Variants in CABCOCO1 observed in about 807,000 individuals in gnomAD.
CABCOCO1 encodes the protein ciliary associated calcium binding coiled-coil 1, also known as ciliary-associated calcium-binding coiled-coil protein 1.
CABCOCO1 carries 28 observed loss-of-function variants against 35.7 expected under a neutral mutation model. The observed-to-expected ratio is 0.78, with a 90% CI of 0.58 to 1.07. CABCOCO1 has a LOEUF of 1.07. Among genes scored for constraint, CABCOCO1 ranks in the 50% least tolerant of loss-of-function variants. The pLI, the probability that CABCOCO1 is intolerant of heterozygous loss-of-function variation, is 0.00. For missense variants in CABCOCO1, 326 were observed against 309.2 expected, an observed-to-expected ratio of 1.05 and a Z score of -0.41; for synonymous variants, 95 against 100.1, an observed-to-expected ratio of 0.95 and a Z score of 0.30.
Position 61,734,038 on chromosome 10 carries a change from T to C in CABCOCO1, c.553-26021T>C, listed in dbSNP as rs144426824. On this transcript the variant is annotated intron_variant, in intron 5 of 7. Transcript: ENST00000648843. ...ACAGTGATTCTTTTTCAAACTGTTA[T>C]ACTTCCCCCCGCTTACCCCCAGTTG... is the stretch of plus-strand genomic sequence containing the variant. 3.0e-4 allele frequency among the ~76,000 whole-genome samples: 46 copies of C among 152,232 alleles called. No homozygotes were observed. The East Asian group carries it at 8.5e-3, about 28-fold the overall frequency.
intron 5 of CABCOCO1, among the ~76,000 whole-genome samples, chr10:61,752,753 G>T (rs1047345320): frequency 3.3e-5 from 5 of 152,102 alleles, no homozygotes; most frequent in African/African-American, 1.2e-4. Flanking sequence ...CTTCTCTAAA[G>T]ATTTCATAGC....
intron 5 of CABCOCO1, among the ~76,000 whole-genome samples, chr10:61,753,944 A>G (rs1201121022): frequency 1.3e-5 from 2 of 152,184 alleles, no homozygotes; most frequent in African/African-American, 2.4e-5. Flanking sequence ...GAGCAGTGTT[A>G]ACAATTACAT....
At chr10:61,707,759 CT>C (rs1486580004) in intron 5 of CABCOCO1, among the ~76,000 whole-genome samples, 2 of 152,022 alleles carry the variant, frequency 1.3e-5, no homozygotes, top group Non-Finnish European at 2.9e-5. Flanking sequence ...AAGAAATCTC[CT>C]GAAAATATAC....
At position 61,662,987 on chromosome 10, in the gene CABCOCO1, G is replaced by T. The variant is rs765512203; in HGVS notation, c.15G>T (p.Thr5=). 4.9e-5 allele frequency: 19 copies of T among 387,690 alleles called. No individual in the cohort carries two copies. The highest frequency in any genetic ancestry group is 3.4e-4 in the South Asian group (19 of 55,736). 24.0% of individuals were successfully genotyped at this position (387,690 alleles called of 1,614,324 possible). Residue 5 remains threonine, a synonymous_variant, in exon 1 of 8, where the codon ACG becomes ACT. Coordinates refer to ENST00000648843, the MANE Select transcript of CABCOCO1 (RefSeq NM_001366906.2). ...AGATTGCGGCGATGTCGCAGGGGAC[G>T]ACTCCCTGGGGGCCGACCCCGGCGG... MSQG[T]TPWGPTPAGT...
chr10:61,680,652 T>TAACA lies in CABCOCO1; in HGVS notation c.165-491_165-490insAACA, dbSNP rs1396683471. On this transcript the variant is annotated intron_variant, in intron 2 of 7. Coordinates refer to ENST00000648843, the MANE Select transcript of CABCOCO1 (RefSeq NM_001366906.2). ...ACATGTTATACATATATAATATATATTATGTTATACATGTATAACATATAT... is the reference window on the plus strand; with the variant it reads ...ACATGTTATACATATATAATATATATAACATATGTTATACATGTATAACATATAT... 1.6e-4 allele frequency among the ~76,000 whole-genome samples: 6 copies of TAACA among 38,044 alleles called. 1 individual carries two copies. Among genetic ancestry groups the TAACA allele is most frequent in the Non-Finnish European group, 2.6e-4 (4 of 15,426 alleles). The allele number at this position is 38,044 out of a possible 152,430, so 25.0% of individuals were successfully genotyped here. A position where few individuals can be genotyped will look rare whatever the true frequency, so the allele number is the denominator to read the frequency against.
chr10:61,719,335 C>A (rs1840941361), intron 5 of CABCOCO1, among the ~76,000 whole-genome samples: 1 of 151,998 alleles, frequency 6.6e-6, no homozygotes, highest in African/African-American at 2.4e-5. Flanking sequence ...CTCCAAAGAG[C>A]AATTATTAGG....
intron 5 of CABCOCO1, among the ~76,000 whole-genome samples, chr10:61,725,596 A>C (rs10761590): frequency 1.6e-5 from 2 of 127,488 alleles, no homozygotes; most frequent in Admixed American, 8.2e-5. Context: ...ACATCACACA[A>C]TGGGGCCTGT....
At chr10:61,669,321 C>T (rs1388054084) in intron 1 of CABCOCO1, among the ~76,000 whole-genome samples, 4 of 151,870 alleles carry the variant, frequency 2.6e-5, no homozygotes, top group South Asian at 2.1e-4. Context: ...AGTTTTATTG[C>T]TCTTGGAATA....
chr10:61,707,095 G>C (rs1008562497), intron 5 of CABCOCO1, among the ~76,000 whole-genome samples: 4 of 152,134 alleles, frequency 2.6e-5, no homozygotes, highest in Non-Finnish European at 5.9e-5. Context: ...AATGAGATTC[G>C]AATTGGGTTG....
At chr10:61,689,242 T>C (rs1373648264) in intron 4 of CABCOCO1, among the ~76,000 whole-genome samples, 1 of 152,176 alleles carries the variant, frequency 6.6e-6, no homozygotes, top group African/African-American at 2.4e-5. Context: ...ATTTTTTATC[T>C]TAAGGCTTTC....
At chr10:61,709,864 A>C (rs2132027577) in intron 5 of CABCOCO1, among the ~76,000 whole-genome samples, 1 of 152,158 alleles carries the variant, frequency 6.6e-6, no homozygotes, top group East Asian at 1.9e-4. Flanking sequence ...CTTTTCAAAA[A>C]ACACATTTTT....
In CABCOCO1 at chr10:61,709,644, A is replaced by T. The variant is rs538176541; in HGVS notation, c.552+19023A>T. ...AAGGCAAAGAAGTGGAAATTTTTTT[A>T]AAGTCATTTAAATCGCTGTTTGCCT... On this transcript the variant is annotated intron_variant, in intron 5 of 7. Coordinates refer to ENST00000648843, the MANE Select transcript of CABCOCO1 (RefSeq NM_001366906.2). 6.4e-3 allele frequency among the ~76,000 whole-genome samples: 386 copies of T among 60,322 alleles called. 5 individuals carry two copies. The highest frequency in any genetic ancestry group is 0.012 in the African/African-American group (355 of 30,676). The allele number at this position is 60,322 out of a possible 152,430, so 39.6% of individuals were successfully genotyped here.
chr10:61,680,701 TG>T (rs1839753881), intron 2 of CABCOCO1, among the ~76,000 whole-genome samples: 3 of 121,874 alleles, frequency 2.5e-5, no homozygotes, highest in Non-Finnish European at 5.1e-5. Flanking sequence ...AACATATATA[TG>T]TTATACATGT....
At chr10:61,679,622 A>G (rs1163957324) in intron 2 of CABCOCO1, among the ~76,000 whole-genome samples, 1 of 152,228 alleles carries the variant, frequency 6.6e-6, no homozygotes, top group Non-Finnish European at 1.5e-5. Context: ...CTCCACCTCC[A>G]GTGTATTTCC....
chr10:61,680,684 C>CATGTATAACATATATATGTTATAT (rs1839745435), intron 2 of CABCOCO1, among the ~76,000 whole-genome samples: 1 of 72,956 alleles, frequency 1.4e-5, no homozygotes, highest in Non-Finnish European at 2.5e-5. Context: ...ATATGTTATA[C>CATGTATAACATATATATGTTATAT]ATGTATAACA....
chr10:61,748,070 G>A (rs17209822), intron 5 of CABCOCO1, among the ~76,000 whole-genome samples: 2,932 of 152,052 alleles, frequency 0.019, 50 homozygotes, highest in Non-Finnish European at 0.032. Flanking sequence ...GATGAATATG[G>A]AAAAGCCAAG....
rs571054290 is a variant in CABCOCO1, at chr10:61,732,240, A to G, written c.553-27819A>G. Among the ~76,000 whole-genome samples the G allele has an allele frequency of 5.3e-5, 8 of 152,220 alleles. No individual in the cohort carries two copies. The East Asian group carries it at 1.5e-3, about 29-fold the overall frequency. On this transcript the variant is annotated intron_variant, in intron 5 of 7. Coordinates refer to ENST00000648843, the MANE Select transcript of CABCOCO1 (RefSeq NM_001366906.2). The stretch of plus-strand genomic sequence containing the variant: ...TCTGCCTGGATTCCCCAGGGGAGTG[A>G]TGAACTAGCATTTTAATTACTAACA...
At position 61,691,509 on chromosome 10, in the gene CABCOCO1, T is replaced by C. The variant is rs182482957; in HGVS notation, c.552+888T>C. Among the ~76,000 whole-genome samples, 6 of 152,294 alleles carry C rather than the reference T, an allele frequency of 3.9e-5. No homozygotes were observed. In the East Asian group the frequency reaches 9.6e-4, roughly 24 times the overall value. Reference sequence around the variant, plus strand: ...TATTTTGTTTTATTTTATTTTTTATTATACTTTAAGTTCTGGGATACATGT... The same window carrying C: ...TATTTTGTTTTATTTTATTTTTTATCATACTTTAAGTTCTGGGATACATGT... On this transcript the variant is annotated intron_variant, in intron 5 of 7. Coordinates refer to ENST00000648843, the MANE Select transcript of CABCOCO1 (RefSeq NM_001366906.2).
At chr10:61,763,119 T>C (rs12784241) in intron 7 of CABCOCO1, among the ~76,000 whole-genome samples, 2,375 of 152,198 alleles carry the variant, frequency 0.016, 39 homozygotes, top group East Asian at 0.047. Context: ...CGTAAGATGT[T>C]TTAAATTTTC....
Sources: allele counts gnomAD v4.1 joint callset (sites outside exome capture counted in the v4.1 genomes callset), GRCh38; gene constraint gnomAD v4.1.1; transcripts MANE v1.5; gene names NCBI Gene and HGNC (gene_info 2026-07-23, HGNC 2026-07-21).